The following ASH1L variants were observed in gnomAD, a reference collection of about 807,000 sequenced individuals.
ASH1L encodes ASH1 like histone lysine methyltransferase.
In ASH1L, 23 loss-of-function variants were observed where a neutral mutation model predicts 269.0. The ratio of observed to expected loss-of-function variants is 0.09; its 90% confidence interval spans 0.06 to 0.12. ASH1L has a LOEUF of 0.12. ASH1L is among the 10% of genes least tolerant of loss of function. The probability of loss-of-function intolerance (pLI) is 1.00; values close to 1 mark genes in which losing one functional copy is unlikely to be tolerated. For synonymous variants in ASH1L, 1,187 were observed against 1,253.5 expected (o/e 0.95, Z 1.12); for missense variants, 2,912 against 3,567.8 (o/e 0.82, Z 4.68).
chr1:155,346,052 T>A lies in ASH1L; in HGVS notation c.7890+331A>T, dbSNP rs1444676106. On this transcript the variant is annotated intron_variant, in intron 21 of 27. Coordinates refer to ENST00000392403, the MANE Select transcript of ASH1L (RefSeq NM_018489.3). ...TTTCACCGTGTTGCCCAGGCTGGTCTCGAACTCCTGAGCTCAGGCAATCCA... is the reference window on the plus strand; with the variant it reads ...TTTCACCGTGTTGCCCAGGCTGGTCACGAACTCCTGAGCTCAGGCAATCCA... 8.2e-6 allele frequency: 6 copies of A among 732,502 alleles called. No homozygotes were observed. The East Asian group carries it at 3.1e-4, about 38-fold the overall frequency. 45.4% of individuals were successfully genotyped at this position (732,502 alleles called of 1,614,324 possible).
At chr1:155,554,271 G>A (rs1340042854) in intron 1 of ASH1L, among the ~76,000 whole-genome samples, 1 of 150,998 alleles carries the variant, frequency 6.6e-6, no homozygotes, top group Non-Finnish European at 1.5e-5. Context: ...TTTAATTTAT[G>A]TATTTACTTT....
At chr1:155,552,243 G>A (rs2148913316) in intron 1 of ASH1L, among the ~76,000 whole-genome samples, 1 of 152,100 alleles carries the variant, frequency 6.6e-6, no homozygotes, top group East Asian at 1.9e-4. Flanking sequence ...AAAGCAGGAG[G>A]ATTACCTGAG....
rs143318495 is a variant in ASH1L at position 155,485,379 on chromosome 1, C to T, written c.421-2930G>A. ...TGTCACCCAGGCTGGAGTGCAATGG[C>T]ATAGTCATAGCTCACTGCAGCCTTG... On this transcript the variant is annotated intron_variant, in intron 2 of 27. Coordinates refer to ENST00000392403, the MANE Select transcript of ASH1L (RefSeq NM_018489.3). Among the ~76,000 whole-genome samples, 1,037 of 152,014 alleles carry T rather than the reference C, an allele frequency of 6.8e-3. 5 individuals are homozygous for T. Among genetic ancestry groups the T allele is most frequent in the Non-Finnish European group, 0.011 (748 of 68,014 alleles).
chr1:155,469,622 C>G (rs578041783), intron 3 of ASH1L, among the ~76,000 whole-genome samples: 15 of 152,328 alleles, frequency 9.8e-5, no homozygotes, highest in Non-Finnish European at 2.2e-4. Context: ...AGCTACAGAT[C>G]CATCTGTCCT....
chr1:155,452,339 G>A (rs756429732), intron 4 of ASH1L, among the ~76,000 whole-genome samples: 14 of 151,414 alleles, frequency 9.2e-5, no homozygotes, highest in Non-Finnish European at 1.5e-4. Context: ...GCGTCCTGCC[G>A]GTAAATTTTA....
chr1:155,472,671 A>C (rs1285664576), intron 3 of ASH1L, among the ~76,000 whole-genome samples: 2 of 152,226 alleles, frequency 1.3e-5, no homozygotes, highest in African/African-American at 4.8e-5. Flanking sequence ...GCAGCAATGA[A>C]AAAGGGCCTG....
At chr1:155,534,193 A>T (rs57334798) in intron 1 of ASH1L, among the ~76,000 whole-genome samples, 1 of 151,104 alleles carries the variant, frequency 6.6e-6, no homozygotes, top group Non-Finnish European at 1.5e-5. Flanking sequence ...AAAAAAAAAA[A>T]ATTTGGAATT....
chr1:155,445,985 T>C (rs375251676), intron 4 of ASH1L, among the ~76,000 whole-genome samples: 2 of 150,886 alleles, frequency 1.3e-5, no homozygotes, highest in African/African-American at 4.9e-5. Flanking sequence ...CCTGCCTCAT[T>C]CCCCCATGTT....
intron 2 of ASH1L, among the ~76,000 whole-genome samples, chr1:155,482,657 G>A (rs1185315705): frequency 6.6e-6 from 1 of 152,060 alleles, no homozygotes; most frequent in African/African-American, 2.4e-5. Flanking sequence ...TATCTTTGTT[G>A]ACTTTCAACA....
chr1:155,494,175 G>A (rs888508180), intron 2 of ASH1L, among the ~76,000 whole-genome samples: 2 of 152,170 alleles, frequency 1.3e-5, no homozygotes, highest in African/African-American at 2.4e-5. Flanking sequence ...GAAATGAAAA[G>A]GAGGTGAAAG....
chr1:155,336,179 T>A lies in ASH1L; in HGVS notation c.*1481A>T, dbSNP rs1419779192. ...CAGAAAGGGGAAAAAGGAAAAAATA[T>A]TTAATGGAATGGAAGGTGGTCAATG... On this transcript the variant is annotated 3_prime_UTR_variant, in exon 28 of 28. Transcript: ENST00000392403. The A allele has an allele frequency of 6.6e-6, 1 of 152,646 alleles. No individual in the cohort carries two copies. Among genetic ancestry groups the A allele is most frequent in the African/African-American group, 2.4e-5 (1 of 41,408 alleles). The allele number at this position is 152,646 out of a possible 1,614,324, so 9.5% of individuals were successfully genotyped here.
At chr1:155,349,654 C>T (rs1464850439) in intron 17 of ASH1L, 58 bp from the exon 18 acceptor site, 13 of 1,455,500 alleles carry the variant, frequency 8.9e-6, no homozygotes, top group Non-Finnish European at 1.2e-5. Context: ...AGGCAAGCAT[C>T]TCCTAACTGG....
At chr1:155,512,588 G>GGT (rs1668234467) in intron 2 of ASH1L, among the ~76,000 whole-genome samples, 1 of 151,012 alleles carries the variant, frequency 6.6e-6, no homozygotes, top group African/African-American at 2.4e-5. Flanking sequence ...AGTAGCTGGG[G>GGT]GTATAGGTGC....
intron 6 of ASH1L, among the ~76,000 whole-genome samples, chr1:155,414,564 C>T (rs945043659): frequency 2.0e-5 from 3 of 152,162 alleles, no homozygotes; most frequent in African/African-American, 7.2e-5. Context: ...CCGCCCTGGC[C>T]TCCCAAAGTG....
intron 5 of ASH1L, among the ~76,000 whole-genome samples, chr1:155,422,378 G>A (rs1296599345): frequency 1.4e-5 from 2 of 145,114 alleles, no homozygotes; most frequent in Non-Finnish European, 1.5e-5. Flanking sequence ...GCATGATCTC[G>A]CCTCACTGCA....
chr1:155,370,371 G>A (rs932106695), intron 12 of ASH1L, 133 bp downstream of exon 12: 13 of 1,102,256 alleles, frequency 1.2e-5, no homozygotes, highest in East Asian at 2.4e-5. Context: ...TACTCTGCCC[G>A]TGGGATCTGG....
chr1:155,354,360 T>C, intron 16 of ASH1L, 113 bp downstream of exon 16: 1 of 953,318 alleles, frequency 1.0e-6, no homozygotes. Context: ...GGATAATTGC[T>C]TGAACCCAGG....
At chr1:155,351,019 C>T (rs1226325619) in intron 17 of ASH1L, among the ~76,000 whole-genome samples, 2 of 151,120 alleles carry the variant, frequency 1.3e-5, no homozygotes, top group Non-Finnish European at 2.9e-5. Context: ...GGGCAGATCA[C>T]GAGGTCAAGA....
At chr1:155,391,246 G>A (rs1030716870) in intron 7 of ASH1L, among the ~76,000 whole-genome samples, 16 of 152,066 alleles carry the variant, frequency 1.1e-4, no homozygotes, top group African/African-American at 3.6e-4. Context: ...ACACCTGGCT[G>A]ACAATTTATA....
Sources: gnomAD v4.1 joint callset for allele counts (sites outside exome capture counted in the v4.1 genomes callset) on GRCh38, gnomAD v4.1.1 for gene constraint, MANE v1.5 for transcripts, NCBI Gene and HGNC (gene_info 2026-07-23, HGNC 2026-07-21) for gene names.